TSPAN5: variants seen among roughly 807,000 people sequenced by gnomAD.
The protein encoded by TSPAN5 is tetraspanin 5, also known as tetraspanin-5.
TSPAN5 carries 10 observed loss-of-function variants against 37.1 expected under a neutral mutation model. That is an observed-to-expected ratio of 0.27 (90% CI 0.17 to 0.46). The LOEUF is 0.46. Ranked by LOEUF, TSPAN5 falls within the 20% of genes least tolerant of loss-of-function variation. The pLI, the probability that TSPAN5 is intolerant of heterozygous loss-of-function variation, is 1.00. For missense variants in TSPAN5, 195 were observed against 326.6 expected (o/e 0.60, Z 3.11); for synonymous variants, 110 against 118.9 (o/e 0.93, Z 0.48).
At chr4:98,602,159 C>T (rs1755898545) in intron 1 of TSPAN5, among the ~76,000 whole-genome samples, 1 of 152,096 alleles carries the variant, frequency 6.6e-6, no homozygotes, top group African/African-American at 2.4e-5. Context: ...GACACAGAGA[C>T]ATGAAGTGAG....
chr4:98,632,984 G>A (rs1007523502), intron 1 of TSPAN5, among the ~76,000 whole-genome samples: 5 of 152,182 alleles, frequency 3.3e-5, no homozygotes, highest in Non-Finnish European at 5.9e-5. Context: ...AGCATGAACC[G>A]TAGGCAGGAA....
chr4:98,638,427 G>C (rs566838386), intron 1 of TSPAN5, among the ~76,000 whole-genome samples: 3 of 152,264 alleles, frequency 2.0e-5, no homozygotes, highest in Admixed American at 6.5e-5. Context: ...CATACTTTGT[G>C]GGGGAGGCCC....
chr4:98,476,877 T>C (rs73832316), intron 5 of TSPAN5, among the ~76,000 whole-genome samples: 83 of 152,354 alleles, frequency 5.4e-4, no homozygotes, highest in African/African-American at 1.9e-3. Flanking sequence ...TGTACTTCCA[T>C]GTTACTTAAA....
rs182376400 is a variant in TSPAN5, at chr4:98,510,226, T to C, written c.82-2498A>G. ...TTTAAATAACTTGCTCAGAGGCACA[T>C]AGCTTCTAAGCAGAGGAGCAGAGAC... On this transcript the variant is annotated intron_variant, in intron 1 of 7. Coordinates refer to ENST00000305798, the MANE Select transcript of TSPAN5 (RefSeq NM_005723.4). Among the ~76,000 whole-genome samples the C allele has an allele frequency of 3.1e-4, 47 of 152,316 alleles. 1 individual carries two copies. The highest frequency in any genetic ancestry group is 2.8e-3 in the Admixed American group (43 of 15,302).
intron 1 of TSPAN5, among the ~76,000 whole-genome samples, chr4:98,598,404 G>A (rs1579019347): frequency 6.6e-6 from 1 of 150,662 alleles, no homozygotes; most frequent in South Asian, 2.1e-4. Flanking sequence ...CTTCTGCGTC[G>A]CTCACGCTGG....
intron 1 of TSPAN5, among the ~76,000 whole-genome samples, chr4:98,532,332 T>A (rs572808123): frequency 1.3e-5 from 2 of 152,236 alleles, no homozygotes; most frequent in Non-Finnish European, 2.9e-5. Flanking sequence ...GCATGGAATG[T>A]CTTTGCATTT....
chr4:98,538,879 C>G (rs1267765476), intron 1 of TSPAN5, among the ~76,000 whole-genome samples: 3 of 152,154 alleles, frequency 2.0e-5, no homozygotes, highest in Non-Finnish European at 4.4e-5. Context: ...CAGTTTGCTT[C>G]TGCATTACCT....
intron 1 of TSPAN5, among the ~76,000 whole-genome samples, chr4:98,642,178 C>T (rs1756972100): frequency 6.6e-6 from 1 of 152,150 alleles, no homozygotes; most frequent in Non-Finnish European, 1.5e-5. Context: ...GCAGGTCAAC[C>T]TTCTTAGAGC....
chr4:98,631,596 A>T (rs542872836), intron 1 of TSPAN5, among the ~76,000 whole-genome samples: 36 of 152,276 alleles, frequency 2.4e-4, no homozygotes, highest in African/African-American at 7.9e-4. Context: ...TCAAGGTCCC[A>T]TCCAACTGCT....
chr4:98,631,545 A>C (rs1756748970), intron 1 of TSPAN5, among the ~76,000 whole-genome samples: 2 of 151,854 alleles, frequency 1.3e-5, no homozygotes, highest in Admixed American at 1.3e-4. Flanking sequence ...CGAGTCTTAG[A>C]TGCCTGACCC....
chr4:98,495,171 A>G (rs1006033250), intron 2 of TSPAN5, among the ~76,000 whole-genome samples: 1 of 152,186 alleles, frequency 6.6e-6, no homozygotes, highest in African/African-American at 2.4e-5. Context: ...ACTATGTTCT[A>G]TCCCCGTTAG....
At chr4:98,477,662 C>CTT (rs61539900) in intron 5 of TSPAN5, among the ~76,000 whole-genome samples, 3 of 141,260 alleles carry the variant, frequency 2.1e-5, no homozygotes, top group Admixed American at 7.1e-5. Context: ...AGAGAGTTAC[C>CTT]TTTTTTTTTT....
intron 1 of TSPAN5, among the ~76,000 whole-genome samples, chr4:98,512,574 G>A (rs1346089096): frequency 1.3e-5 from 2 of 152,186 alleles, no homozygotes; most frequent in East Asian, 3.9e-4. Context: ...CATGTGATGA[G>A]GGCGATTAGT....
chr4:98,601,064 T>C (rs1421322585), intron 1 of TSPAN5, among the ~76,000 whole-genome samples: 1 of 152,222 alleles, frequency 6.6e-6, no homozygotes, highest in Non-Finnish European at 1.5e-5. Context: ...AAAGGATCTT[T>C]TTTATAAGCA....
At chr4:98,472,682 A>G in intron 7 of TSPAN5, 95 bp from the exon 8 acceptor site, 1 of 1,074,980 alleles carries the variant, frequency 9.3e-7, no homozygotes, top group Non-Finnish European at 1.4e-6. Flanking sequence ...GATTTTTGAA[A>G]TTTAAGATGT....
chr4:98,622,573 A>T (rs2110250588), intron 1 of TSPAN5, among the ~76,000 whole-genome samples: 1 of 152,306 alleles, frequency 6.6e-6, no homozygotes, highest in African/African-American at 2.4e-5. Flanking sequence ...CAAATGAGAT[A>T]TTGAGTTGTG....
intron 1 of TSPAN5, among the ~76,000 whole-genome samples, chr4:98,621,153 C>A (rs779680964): frequency 5.3e-5 from 8 of 152,032 alleles, no homozygotes; most frequent in African/African-American, 1.9e-4. Context: ...GGTTTATACA[C>A]CACGGAATGA....
rs1354316206 is a variant in TSPAN5 at position 98,470,516 on chromosome 4, A to AT, written c.*2005dup. On this transcript the variant is annotated 3_prime_UTR_variant, in exon 8 of 8. Transcript: ENST00000305798. ...TGCCAAAGGGCAGGGATCTTGCCTGATTCTGAATCAATTGGCCAGATGGAG... is the reference window on the plus strand; with the variant it reads ...TGCCAAAGGGCAGGGATCTTGCCTGATTTCTGAATCAATTGGCCAGATGGAG... 1 of 152,226 alleles carries AT rather than the reference A, an allele frequency of 6.6e-6. No individual in the cohort carries two copies. Among genetic ancestry groups the AT allele is most frequent in the Non-Finnish European group, 1.5e-5 (1 of 68,038 alleles). 9.4% of individuals were successfully genotyped at this position (152,226 alleles called of 1,614,324 possible). A position where few individuals can be genotyped will look rare whatever the true frequency, so the allele number is the denominator to read the frequency against.
intron 2 of TSPAN5, among the ~76,000 whole-genome samples, chr4:98,503,796 G>A (rs78054284): frequency 0.02 from 3,068 of 152,318 alleles, 114 homozygotes; most frequent in African/African-American, 0.069. Flanking sequence ...CCCTGCCCAT[G>A]CTATGTGCTC....
Sources: allele counts gnomAD v4.1 joint callset (sites outside exome capture counted in the v4.1 genomes callset), GRCh38; gene constraint gnomAD v4.1.1; transcripts MANE v1.5; gene names NCBI Gene and HGNC (gene_info 2026-07-23, HGNC 2026-07-21).